CNTN6: variants seen among roughly 807,000 people sequenced by gnomAD.
CNTN6 encodes the protein contactin-6.
In CNTN6, 137 loss-of-function variants were observed where a neutral mutation model predicts 122.8. That is an observed-to-expected ratio of 1.12 (90% CI 0.97 to 1.29). The LOEUF is 1.29. Ranked by LOEUF, CNTN6 falls within the 50% of genes most tolerant of loss-of-function variation. The pLI, the probability that CNTN6 is intolerant of heterozygous loss-of-function variation, is 0.00. For missense variants in CNTN6, 1,634 were observed against 1,223.4 expected (o/e 1.34, Z -5.01); for synonymous variants, 570 against 426.0 (o/e 1.34, Z -4.16).
chr3:1,293,510 A>G (rs1695683202), intron 5 of CNTN6, among the ~76,000 whole-genome samples: 1 of 152,170 alleles, frequency 6.6e-6, no homozygotes, highest in Admixed American at 6.5e-5. Flanking sequence ...TTCCCAGCTG[A>G]GGAAGCCTAC....
Position 1,291,050 on chromosome 3 carries a change from G to A in CNTN6, c.455-4551G>A, listed in dbSNP as rs375875848. Among the ~76,000 whole-genome samples the A allele has an allele frequency of 7.2e-5, 11 of 152,224 alleles. 1 individual carries two copies. Among genetic ancestry groups the A allele is most frequent in the African/African-American group, 1.4e-4 (6 of 41,524 alleles). ...CAAGATGGAGTTGCTCTGGTTCAAA[G>A]GCCTCTGACAGTATTATTAGGGAAA... On this transcript the variant is annotated intron_variant, in intron 5 of 22. Transcript: ENST00000446702.
chr3:1,205,555 TC>T (rs2093946430), intron 2 of CNTN6, among the ~76,000 whole-genome samples: 1 of 152,162 alleles, frequency 6.6e-6, no homozygotes, highest in Non-Finnish European at 1.5e-5. Context: ...TCAGTCTCTT[TC>T]CCCAACCAGA....
chr3:1,273,898 G>A (rs1025645699), intron 4 of CNTN6, among the ~76,000 whole-genome samples: 1 of 152,184 alleles, frequency 6.6e-6, no homozygotes, highest in Non-Finnish European at 1.5e-5. Flanking sequence ...AATGACTTCT[G>A]ATTAACACTG....
At chr3:1,388,885 C>T (rs1693631288) in intron 20 of CNTN6, among the ~76,000 whole-genome samples, 1 of 135,812 alleles carries the variant, frequency 7.4e-6, no homozygotes, top group Admixed American at 7.4e-5. Context: ...AAGAAACGAG[C>T]AAAGCCTCCA....
At position 1,383,296 on chromosome 3, in the gene CNTN6, C is replaced by T; in HGVS notation, c.2405C>T (p.Pro802Leu). Residue 802 changes from proline (P) to leucine (L), a missense_variant, in exon 19 of 23, where the codon CCT (proline) becomes CTT (leucine). Pro to Leu is a moderately conservative substitution (Grantham distance 98). Coordinates refer to ENST00000446702, the MANE Select transcript of CNTN6 (RefSeq NM_001289080.2). The stretch of plus-strand genomic sequence containing the variant: ...TATGTCTTTCTCTGGATGGTAGAAC[C>T]TCAACTGGCCCCAAGGGGAACTTCT... The part of the protein sequence containing the change: ...VTIVYSGEDE[P>L]QLAPRGTSLQ... 6.2e-7 allele frequency: 1 copy of T among 1,613,484 alleles called. No individual in the cohort carries two copies.
intron 4 of CNTN6, among the ~76,000 whole-genome samples, chr3:1,265,906 T>C (rs545090399): frequency 2.0e-5 from 3 of 152,282 alleles, no homozygotes; most frequent in South Asian, 4.1e-4. Flanking sequence ...TTTTAATGAG[T>C]AAATTTGTTT....
chr3:1,282,554 T>C (rs3772314), intron 5 of CNTN6, among the ~76,000 whole-genome samples: 134,782 of 152,240 alleles, frequency 0.89, 59,765 homozygotes, highest in East Asian at 0.97. Flanking sequence ...TCCTTAGGAC[T>C]AGACTCAGTC....
intron 2 of CNTN6, among the ~76,000 whole-genome samples, chr3:1,181,561 G>A (rs1393206129): frequency 6.6e-6 from 1 of 152,114 alleles, no homozygotes; most frequent in Non-Finnish European, 1.5e-5. Context: ...TTTTGAGGGT[G>A]CATCTTGTTG....
intron 1 of CNTN6, among the ~76,000 whole-genome samples, chr3:1,098,605 T>C (rs2090663358): frequency 6.6e-6 from 1 of 151,526 alleles, no homozygotes; most frequent in African/African-American, 2.4e-5. Context: ...TACATTTGAA[T>C]AATATATTTG....
chr3:1,094,527 C>CA (rs34493061), intron 1 of CNTN6, among the ~76,000 whole-genome samples: 2 of 152,012 alleles, frequency 1.3e-5, no homozygotes. Flanking sequence ...CACATCTTAG[C>CA]AAAAAAGTCA....
rs139877878 is a variant in CNTN6 at position 1,290,258 on chromosome 3, C to T, written c.455-5343C>T. 6.8e-3 allele frequency among the ~76,000 whole-genome samples: 1,035 copies of T among 152,318 alleles called. 14 individuals are homozygous for T. The highest frequency in any genetic ancestry group is 0.024 in the African/African-American group (988 of 41,566). On this transcript the variant is annotated intron_variant, in intron 5 of 22. Coordinates refer to ENST00000446702, the MANE Select transcript of CNTN6 (RefSeq NM_001289080.2). ...TCCCTGCTAATATTAGCAATAAGTA[C>T]TTTACAGTAATTTCACATGGCAGTT...
chr3:1,309,929 AT>A, intron 7 of CNTN6, among the ~76,000 whole-genome samples: 1 of 152,186 alleles, frequency 6.6e-6, no homozygotes. Flanking sequence ...TTCAAATTCC[AT>A]TTGTTAACTA....
At chr3:1,228,630 G>T (rs758144990) in intron 4 of CNTN6, among the ~76,000 whole-genome samples, 4 of 152,144 alleles carry the variant, frequency 2.6e-5, no homozygotes, top group African/African-American at 7.2e-5. Context: ...TTCAGCAAAA[G>T]CCTTGCTTGA....
At chr3:1,320,734 G>T (rs778591963) in intron 7 of CNTN6, among the ~76,000 whole-genome samples, 1 of 151,630 alleles carries the variant, frequency 6.6e-6, no homozygotes, top group Non-Finnish European at 1.5e-5. Flanking sequence ...GTTTAGTAGT[G>T]AATATTTTCC....
intron 20 of CNTN6, among the ~76,000 whole-genome samples, chr3:1,390,422 G>T (rs1693943788): frequency 6.6e-6 from 1 of 151,296 alleles, no homozygotes; most frequent in Non-Finnish European, 1.5e-5. Context: ...TGTGTAGAGG[G>T]AAATTTATAG....
intron 2 of CNTN6, among the ~76,000 whole-genome samples, chr3:1,205,424 T>G (rs1380677922): frequency 1.3e-5 from 2 of 152,202 alleles, no homozygotes; most frequent in Non-Finnish European, 2.9e-5. Context: ...CTCAGAACAT[T>G]GGGCTGTTTT....
At chr3:1,265,353 A>G (rs1286893059) in intron 4 of CNTN6, among the ~76,000 whole-genome samples, 1 of 152,092 alleles carries the variant, frequency 6.6e-6, no homozygotes, top group East Asian at 1.9e-4. Flanking sequence ...TTCCAGTGTA[A>G]CCCAATGAAC....
chr3:1,158,969 C>CATATATATAT (rs147254743), intron 2 of CNTN6, among the ~76,000 whole-genome samples: 16 of 112,968 alleles, frequency 1.4e-4, no homozygotes, highest in African/African-American at 5.3e-4. Context: ...CACACACACA[C>CATATATATAT]ATATATATAT....
chr3:1,322,435 T>G (rs991073394), intron 8 of CNTN6, among the ~76,000 whole-genome samples: 8 of 151,828 alleles, frequency 5.3e-5, no homozygotes, highest in African/African-American at 1.9e-4. Context: ...AAATTTTCTC[T>G]TACTTAACAT....
Sources: allele counts gnomAD v4.1 joint callset (sites outside exome capture counted in the v4.1 genomes callset), GRCh38; gene constraint gnomAD v4.1.1; transcripts MANE v1.5; gene names NCBI Gene and HGNC (gene_info 2026-07-23, HGNC 2026-07-21).